Variants in LARGE1 observed in about 807,000 individuals in gnomAD.
LARGE1 encodes the protein xylosyl- and glucuronyltransferase LARGE1.
In LARGE1, 43 loss-of-function variants were observed where a neutral mutation model predicts 87.6. The ratio of observed to expected loss-of-function variants is 0.49; its 90% CI spans 0.38 to 0.63. The LOEUF (loss-of-function observed/expected upper bound fraction) is 0.63. Ranked by LOEUF, LARGE1 falls within the 30% of genes least tolerant of loss-of-function variation. The pLI is 0.00. For synonymous variants in LARGE1, 434 were observed against 394.6 expected (o/e 1.10, Z -1.18); for missense variants, 802 against 1,000.2 (o/e 0.80, Z 2.67).
intron 5 of LARGE1, among the ~76,000 whole-genome samples, chr22:33,583,073 AG>A (rs2078569464): frequency 1.3e-5 from 2 of 152,202 alleles, no homozygotes. Flanking sequence ...GATGACAAAT[AG>A]GACTCTTGCT....
chr22:33,760,230 G>A lies in LARGE1; in HGVS notation c.106+1141C>T, dbSNP rs144381161. 2.1e-4 allele frequency among the ~76,000 whole-genome samples: 32 copies of A among 152,234 alleles called. No individual in the cohort carries two copies. The East Asian group carries it at 4.4e-3, about 21-fold the overall frequency. On this transcript the variant is annotated intron_variant, in intron 2 of 14. Transcript: ENST00000397394. The stretch of plus-strand genomic sequence containing the variant: ...ATAAAGTCAGCTCTTCACCACTGCC[G>A]TTCCCTCTCTCTCTGAAGCCTAGAA...
At chr22:33,661,698 G>A (rs2081128290) in intron 2 of LARGE1, among the ~76,000 whole-genome samples, 2 of 151,992 alleles carry the variant, frequency 1.3e-5, no homozygotes, top group Admixed American at 1.3e-4. Context: ...CACTTGAGAG[G>A]AGAAATATCC....
intron 1 of LARGE1, among the ~76,000 whole-genome samples, chr22:33,864,726 T>A (rs1297471954): frequency 6.6e-6 from 1 of 152,112 alleles, no homozygotes; most frequent in African/African-American, 2.4e-5. Context: ...GACATATAGA[T>A]TTAAGTGGCC....
chr22:33,753,784 G>A (rs2084406820), intron 2 of LARGE1, among the ~76,000 whole-genome samples: 1 of 152,190 alleles, frequency 6.6e-6, no homozygotes, highest in Non-Finnish European at 1.5e-5. Context: ...GTCAGGTCAG[G>A]TGCAGTGGCT....
intron 14 of LARGE1, among the ~76,000 whole-genome samples, chr22:33,275,225 CA>C (rs1044348599): frequency 1.1e-4 from 16 of 152,182 alleles, no homozygotes; most frequent in Admixed American, 3.3e-4. Context: ...CCAGTATTCT[CA>C]ACTTGGCAGA....
At chr22:33,599,069 A>G (rs1400509486) in intron 5 of LARGE1, among the ~76,000 whole-genome samples, 1 of 152,202 alleles carries the variant, frequency 6.6e-6, no homozygotes, top group Non-Finnish European at 1.5e-5. Flanking sequence ...AACAGTGGTA[A>G]CCAACAGTCA....
intron 2 of LARGE1, among the ~76,000 whole-genome samples, chr22:33,678,418 T>C (rs1297893248): frequency 6.6e-6 from 1 of 152,148 alleles, no homozygotes; most frequent in Non-Finnish European, 1.5e-5. Context: ...CAACCTAGTA[T>C]AAACCACCAC....
intron 6 of LARGE1, among the ~76,000 whole-genome samples, chr22:33,506,956 C>G (rs2070794336): frequency 6.6e-6 from 1 of 152,084 alleles, no homozygotes; most frequent in African/African-American, 2.4e-5. Context: ...GACTGTACCC[C>G]CAGACTTCAT....
At chr22:33,632,237 C>T (rs2080133138) in intron 3 of LARGE1, among the ~76,000 whole-genome samples, 1 of 152,196 alleles carries the variant, frequency 6.6e-6, no homozygotes, top group South Asian at 2.1e-4. Context: ...ATTCTCTTGC[C>T]TCAGCTTCTC....
chr22:33,722,277 G>C (rs1278246264), intron 2 of LARGE1, among the ~76,000 whole-genome samples: 1 of 144,006 alleles, frequency 6.9e-6, no homozygotes, highest in African/African-American at 2.5e-5. Context: ...GAGGGAGAGG[G>C]AGAGGAGGGA....
chr22:33,328,899 T>G (rs1387247838), intron 10 of LARGE1, among the ~76,000 whole-genome samples: 2 of 152,156 alleles, frequency 1.3e-5, no homozygotes, highest in African/African-American at 4.8e-5. Flanking sequence ...TTTGAAGCCT[T>G]CCTTTCCTTA....
chr22:33,790,494 A>G (rs2085789180), intron 1 of LARGE1, among the ~76,000 whole-genome samples: 1 of 152,170 alleles, frequency 6.6e-6, no homozygotes, highest in East Asian at 1.9e-4. Flanking sequence ...TAAGTCCAAA[A>G]TATTTTTAAC....
intron 10 of LARGE1, among the ~76,000 whole-genome samples, chr22:33,335,100 C>G: frequency 6.6e-6 from 1 of 152,136 alleles, no homozygotes; most frequent in East Asian, 1.9e-4. Context: ...TTTATGGGAG[C>G]CTTCTCCATG....
intron 11 of LARGE1, among the ~76,000 whole-genome samples, chr22:33,167,865 C>T (rs1001282985): frequency 6.6e-6 from 1 of 152,160 alleles, no homozygotes; most frequent in African/African-American, 2.4e-5. Context: ...TCCCCTAGAG[C>T]AGTAGCCTCA....
chr22:33,563,687 G>A (rs2077932782), intron 6 of LARGE1, among the ~76,000 whole-genome samples: 1 of 152,142 alleles, frequency 6.6e-6, no homozygotes, highest in East Asian at 1.9e-4. Context: ...ACGTCCACAC[G>A]TTCTATGAAG....
chr22:33,664,608 T>C (rs1008846608), intron 2 of LARGE1, among the ~76,000 whole-genome samples: 10 of 152,200 alleles, frequency 6.6e-5, no homozygotes, highest in African/African-American at 2.4e-4. Context: ...GGCTCATGCC[T>C]GTGATCCCAG....
chr22:33,885,655 CAGCT>C (rs2064822702), intron 1 of LARGE1, among the ~76,000 whole-genome samples: 1 of 152,152 alleles, frequency 6.6e-6, no homozygotes, highest in African/African-American at 2.4e-5. Flanking sequence ...ATAAGCAGCT[CAGCT>C]ACCCTCCGGG....
chr22:33,207,849 G>A (rs1924763347), intron 11 of LARGE1, among the ~76,000 whole-genome samples: 1 of 152,154 alleles, frequency 6.6e-6, no homozygotes. Context: ...TTTGACTTGG[G>A]TGGGGAGCGG....
chr22:33,921,058 C>A (rs1273767167), upstream of LARGE1, among the ~76,000 whole-genome samples: 3 of 150,058 alleles, frequency 2.0e-5, no homozygotes, highest in Non-Finnish European at 3.0e-5. This position sits in a 1 kb window ranked among gnomAD's most constrained non-coding sequence, Gnocchi z 4.1. Flanking sequence ...CGAGCCGGGG[C>A]TGGGTTCCGA....
Sources: allele counts gnomAD v4.1 joint callset (sites outside exome capture counted in the v4.1 genomes callset), GRCh38; gene constraint gnomAD v4.1.1; non-coding constraint Gnocchi (gnomAD v3.1); transcripts MANE v1.5; gene names NCBI Gene and HGNC (gene_info 2026-07-23, HGNC 2026-07-21).